The following HACD2 variants were observed in gnomAD, a reference collection of about 807,000 sequenced individuals.
HACD2 encodes the protein very-long-chain (3R)-3-hydroxyacyl-CoA dehydratase 2.
Under a neutral mutation model 31.0 loss-of-function variants are expected in HACD2, and 15 were observed. The observed-to-expected ratio is 0.48, with a 90% confidence interval of 0.32 to 0.75. The LOEUF (loss-of-function observed/expected upper bound fraction) is 0.75, where lower values mean the gene tolerates loss of function less well. Among genes scored for constraint, HACD2 ranks in the 30% least tolerant of loss-of-function variants. The probability of loss-of-function intolerance (pLI) is 0.03; values close to 1 mark genes in which losing one functional copy is unlikely to be tolerated. For synonymous variants in HACD2, 115 were observed against 122.2 expected, an observed-to-expected ratio of 0.94 and a Z score of 0.39; for missense variants, 283 against 313.0, an observed-to-expected ratio of 0.90 and a Z score of 0.72.
intron 3 of HACD2, among the ~76,000 whole-genome samples, chr3:123,567,075 C>T (rs1416067142): frequency 6.6e-6 from 1 of 152,178 alleles, no homozygotes; most frequent in Admixed American, 6.5e-5. Flanking sequence ...TTCAAATCCT[C>T]CCTTTGGGAG....
At chr3:123,550,831 C>A (rs532373235) in intron 3 of HACD2, among the ~76,000 whole-genome samples, 2 of 152,206 alleles carry the variant, frequency 1.3e-5, no homozygotes, top group Non-Finnish European at 2.9e-5. Context: ...GGTACAGTGG[C>A]ACCATACAGG....
chr3:123,503,242 G>A (rs1403421071), intron 4 of HACD2, among the ~76,000 whole-genome samples: 1 of 150,242 alleles, frequency 6.7e-6, no homozygotes, highest in African/African-American at 2.5e-5. Context: ...CCCAGCCTGG[G>A]TGACAGAGTG....
At chr3:123,539,911 TAAAAAAAAAAAAAAAA>T (rs71142741) in intron 3 of HACD2, among the ~76,000 whole-genome samples, 3 of 24,478 alleles carry the variant, frequency 1.2e-4, no homozygotes, top group African/African-American at 4.2e-4. Flanking sequence ...TCGTCTCTAC[TAAAAAAAAAAAAAAAA>T]AAAAAAAAAA....
chr3:123,501,472 A>AC (rs1174570661), intron 5 of HACD2, among the ~76,000 whole-genome samples: 3 of 152,242 alleles, frequency 2.0e-5, no homozygotes, highest in Non-Finnish European at 4.4e-5. Context: ...TTTGTGGCTC[A>AC]CAATGTGCAA....
rs191469533 is a variant in HACD2 at position 123,550,977 on chromosome 3, G to A, written c.292+16785C>T. ...GACTAAGGTGCAGGATGAGAGCTGG[G>A]AGAGAGACTGGTAGTGTGGGAGAGT... is the stretch of plus-strand genomic sequence containing the variant. On this transcript the variant is annotated intron_variant, in intron 3 of 6. Coordinates refer to ENST00000383657, the MANE Select transcript of HACD2 (RefSeq NM_198402.5). 7.9e-5 allele frequency among the ~76,000 whole-genome samples: 12 copies of A among 152,290 alleles called. No individual in the cohort carries two copies. In the East Asian group the frequency reaches 2.1e-3, roughly 27 times the overall value.
intron 3 of HACD2, among the ~76,000 whole-genome samples, chr3:123,539,121 T>C (rs1166173770): frequency 6.6e-6 from 1 of 152,190 alleles, no homozygotes; most frequent in Non-Finnish European, 1.5e-5. Context: ...AATCCATTTT[T>C]ACATTAAATA....
intron 6 of HACD2, 83 bp downstream of exon 6, chr3:123,500,432 G>C: frequency 1.2e-6 from 1 of 866,940 alleles, no homozygotes; most frequent in East Asian, 2.5e-5. Context: ...CTTGGATATA[G>C]TGCAAAGACA....
At chr3:123,515,606 T>C (rs940620444) in intron 4 of HACD2, among the ~76,000 whole-genome samples, 2 of 152,156 alleles carry the variant, frequency 1.3e-5, no homozygotes, top group African/African-American at 4.8e-5. Flanking sequence ...CTGGGTCCTT[T>C]CTCTAACTTG....
intron 2 of HACD2, among the ~76,000 whole-genome samples, chr3:123,573,558 GGGTGAGT>G (rs2056877096): frequency 6.6e-6 from 1 of 152,196 alleles, no homozygotes; most frequent in Non-Finnish European, 1.5e-5. Flanking sequence ...GCTCAGGACA[GGGTGAGT>G]GGTGAGTCTA....
intron 3 of HACD2, among the ~76,000 whole-genome samples, chr3:123,531,248 A>T (rs2056356569): frequency 6.6e-6 from 1 of 152,036 alleles, no homozygotes; most frequent in South Asian, 2.1e-4. Context: ...ACTATAAATC[A>T]CCCTTCTCTA....
At chr3:123,584,584 C>T (rs1411129931) in intron 1 of HACD2, 1 of 266,892 alleles carries the variant, frequency 3.7e-6, no homozygotes. Flanking sequence ...TGTGGCCAGC[C>T]CCACCTTTCC....
chr3:123,527,496 T>G (rs978191204), intron 4 of HACD2, among the ~76,000 whole-genome samples: 2 of 152,242 alleles, frequency 1.3e-5, no homozygotes, highest in Non-Finnish European at 2.9e-5. Context: ...AGTAGCTAAC[T>G]TGGTTATCAG....
At chr3:123,520,891 C>T (rs1015821184) in intron 4 of HACD2, among the ~76,000 whole-genome samples, 1 of 152,190 alleles carries the variant, frequency 6.6e-6, no homozygotes, top group Non-Finnish European at 1.5e-5. Flanking sequence ...GCCTGGAAAT[C>T]TCGTGTGCTT....
rs2056180682 is a variant in HACD2 at position 123,519,010 on chromosome 3, A to AG, written c.381+9375_381+9376insC. Reference sequence around the variant, plus strand: ...AGACTCCAACTAAAAAAAAAAAAAAAAAAAAAAAAAGCAGAGCAAGAGGAA... The same window carrying AG: ...AGACTCCAACTAAAAAAAAAAAAAAAGAAAAAAAAAAGCAGAGCAAGAGGAA... On this transcript the variant is annotated intron_variant, in intron 4 of 6. Transcript: ENST00000383657. Among the ~76,000 whole-genome samples, 5 of 151,350 alleles carry AG rather than the reference A, an allele frequency of 3.3e-5. No individual in the cohort carries two copies. The South Asian group carries it at 1.0e-3, about 32-fold the overall frequency.
chr3:123,569,671 T>C (rs1407931979), intron 2 of HACD2, among the ~76,000 whole-genome samples: 1 of 151,850 alleles, frequency 6.6e-6, no homozygotes, highest in East Asian at 2.0e-4. Context: ...CCAGAAAACC[T>C]ATTCTATCCA....
intron 3 of HACD2, among the ~76,000 whole-genome samples, chr3:123,562,611 G>A (rs1383576899): frequency 6.6e-6 from 1 of 152,136 alleles, no homozygotes; most frequent in South Asian, 2.1e-4. Context: ...ATATTGTGCT[G>A]AGTGTTCTTC....
At chr3:123,518,293 A>G (rs2056171038) in intron 4 of HACD2, among the ~76,000 whole-genome samples, 1 of 152,220 alleles carries the variant, frequency 6.6e-6, no homozygotes, top group Non-Finnish European at 1.5e-5. Context: ...TCTCAAAAAA[A>G]TTAGATTTTG....
intron 3 of HACD2, among the ~76,000 whole-genome samples, chr3:123,546,093 T>G (rs1412965199): frequency 6.6e-6 from 1 of 152,186 alleles, no homozygotes; most frequent in Non-Finnish European, 1.5e-5. Flanking sequence ...TAATGAGGAC[T>G]TTAATGGGAG....
intron 1 of HACD2, among the ~76,000 whole-genome samples, chr3:123,583,246 C>T (rs1176742360): frequency 6.6e-6 from 1 of 152,112 alleles, no homozygotes; most frequent in African/African-American, 2.4e-5. Flanking sequence ...ATTTATCTTC[C>T]TGGTTTAAGA....
Sources: allele counts gnomAD v4.1 joint callset (sites outside exome capture counted in the v4.1 genomes callset), GRCh38; gene constraint gnomAD v4.1.1; transcripts MANE v1.5; gene names NCBI Gene and HGNC (gene_info 2026-07-23, HGNC 2026-07-21).